The following JMJD1C variants were observed in gnomAD, a reference collection of about 807,000 sequenced individuals.
JMJD1C encodes jumonji domain containing 1C.
Under a neutral mutation model 245.3 loss-of-function variants are expected in JMJD1C, and 31 were observed. The observed-to-expected ratio is 0.13, with a 90% CI of 0.09 to 0.17. JMJD1C has a LOEUF of 0.17. JMJD1C is among the 10% of genes least tolerant of loss of function. The pLI is 1.00. For synonymous variants in JMJD1C, 1,057 were observed against 1,017.4 expected, an observed-to-expected ratio of 1.04 and a Z score of -0.74; for missense variants, 2,691 against 3,000.2, an observed-to-expected ratio of 0.90 and a Z score of 2.41.
At chr10:63,465,144 C>T in intron 1 of JMJD1C, 1 of 320,812 alleles carries the variant, frequency 3.1e-6, no homozygotes. Flanking sequence ...CCCCCTACCC[C>T]CACCTGCCCG....
chr10:63,468,991 G>T (rs77286795), upstream of JMJD1C, among the ~76,000 whole-genome samples: 5,552 of 151,902 alleles, frequency 0.037, 321 homozygotes, highest in East Asian at 0.29. Context: ...AAACTATTTT[G>T]TTTTTTTAAA....
intron 1 of JMJD1C, among the ~76,000 whole-genome samples, chr10:63,417,402 A>G (rs913749333): frequency 5.3e-5 from 8 of 152,176 alleles, no homozygotes; most frequent in African/African-American, 1.7e-4. Context: ...AACTTTTAGT[A>G]TGTATATTAT....
chr10:63,222,732 T>C (rs974280685), intron 3 of JMJD1C: 2 of 1,535,356 alleles, frequency 1.3e-6, no homozygotes, highest in African/African-American at 1.4e-5. Flanking sequence ...GATCTTTATA[T>C]AGGATTTAAT....
chr10:63,208,978 T>A, intron 9 of JMJD1C, 85 bp downstream of exon 9: 2 of 1,222,432 alleles, frequency 1.6e-6, no homozygotes, highest in Non-Finnish European at 2.3e-6. Context: ...AAGATATGTG[T>A]TAACTTAAAA....
At chr10:63,330,155 A>G (rs1190481848) in intron 2 of JMJD1C, among the ~76,000 whole-genome samples, 2 of 150,504 alleles carry the variant, frequency 1.3e-5, no homozygotes, top group African/African-American at 4.9e-5. Context: ...ACCTGCCCTG[A>G]CCTCCCAAAG....
intron 1 of JMJD1C, among the ~76,000 whole-genome samples, chr10:63,419,155 G>A (rs1022415800): frequency 2.0e-5 from 3 of 151,478 alleles, no homozygotes; most frequent in Non-Finnish European, 2.9e-5. Flanking sequence ...GGAGGCCGAG[G>A]AGGGTCAATC....
intron 4 of JMJD1C, among the ~76,000 whole-genome samples, chr10:63,218,187 A>G (rs531099059): frequency 9.4e-4 from 143 of 152,230 alleles, no homozygotes; most frequent in Admixed American, 2.8e-3. Context: ...TACAAAAATC[A>G]AGAAAGTGAG....
chr10:63,207,205 T>G lies in JMJD1C; in HGVS notation c.4464A>C (p.Ala1488=), dbSNP rs377385483. Residue 1488 remains alanine (A), a synonymous_variant, in exon 10 of 26, where the codon GCA becomes GCC. Transcript: ENST00000399262. Reference sequence around the variant, plus strand: ...TACTTTTATACTGAGCTGCAGCCAATGCTGCCTTGTGCTTTTTTAAATGGA... The same window carrying G: ...TACTTTTATACTGAGCTGCAGCCAAGGCTGCCTTGTGCTTTTTTAAATGGA... ...DFIHLKKHKA[A]LAAAQYKSSN... is the part of the protein sequence containing the mutation. 3.7e-6 allele frequency: 6 copies of G among 1,614,110 alleles called. No individual in the cohort carries two copies. The Admixed American group carries it at 8.3e-5, about 22-fold the overall frequency.
At chr10:63,365,052 A>G (rs1248583910) in intron 2 of JMJD1C, among the ~76,000 whole-genome samples, 1 of 152,160 alleles carries the variant, frequency 6.6e-6, no homozygotes, top group African/African-American at 2.4e-5. Flanking sequence ...CAATTATTCT[A>G]CCTATGCCAG....
At chr10:63,469,741 C>A (rs1237342534), upstream of JMJD1C, among the ~76,000 whole-genome samples, 1 of 151,920 alleles carries the variant, frequency 6.6e-6, no homozygotes. Flanking sequence ...TATTAATTGT[C>A]AAATGTAAAT....
intron 1 of JMJD1C, among the ~76,000 whole-genome samples, chr10:63,389,805 A>G (rs1282875404): frequency 6.6e-6 from 1 of 152,206 alleles, no homozygotes; most frequent in Non-Finnish European, 1.5e-5. Context: ...CTAGGTCAAG[A>G]AAGAAACTAA....
chr10:63,340,256 C>T (rs75446656), intron 2 of JMJD1C, among the ~76,000 whole-genome samples: 1 of 152,124 alleles, frequency 6.6e-6, no homozygotes, highest in Non-Finnish European at 1.5e-5. Flanking sequence ...ACCCTCTCAG[C>T]CCCCTTTAGC....
chr10:63,356,810 AAGAG>A (rs1268773401), intron 2 of JMJD1C, among the ~76,000 whole-genome samples: 1 of 152,182 alleles, frequency 6.6e-6, no homozygotes, highest in Non-Finnish European at 1.5e-5. Context: ...CAGGAAGAGA[AAGAG>A]AGAACATTTT....
At chr10:63,204,591 A>G (rs1846384910) in intron 10 of JMJD1C, 1 of 985,298 alleles carries the variant, frequency 1.0e-6, no homozygotes, top group African/African-American at 1.7e-5. Context: ...GCTCACACTA[A>G]GCCTATTATG....
intron 1 of JMJD1C, among the ~76,000 whole-genome samples, chr10:63,458,013 G>A (rs1952525791): frequency 6.6e-6 from 1 of 152,120 alleles, no homozygotes. Flanking sequence ...ATGGGTTTAA[G>A]ATAATAATTT....
intron 2 of JMJD1C, among the ~76,000 whole-genome samples, chr10:63,333,474 C>T (rs571177662): frequency 1.3e-5 from 2 of 151,872 alleles, no homozygotes; most frequent in East Asian, 1.9e-4. Context: ...GCTTGGCCTA[C>T]GAGGTTGAGG....
At chr10:63,296,889 ATC>A (rs1859494569) in intron 2 of JMJD1C, among the ~76,000 whole-genome samples, 1 of 152,082 alleles carries the variant, frequency 6.6e-6, no homozygotes, top group Admixed American at 6.6e-5. Flanking sequence ...TAAAGCAAAA[ATC>A]TCTATTTTAC....
chr10:63,223,144 A>C (rs1456692667), intron 3 of JMJD1C: 2 of 602,908 alleles, frequency 3.3e-6, no homozygotes, highest in Non-Finnish European at 5.7e-6. Context: ...AAAAAAAAAA[A>C]CCCAAACAAA....
chr10:63,241,689 G>A lies in JMJD1C; in HGVS notation c.448-21706C>T, dbSNP rs532463553. Among the ~76,000 whole-genome samples, 9 of 152,166 alleles carry A rather than the reference G, an allele frequency of 5.9e-5. No homozygotes were observed. In the East Asian group the frequency reaches 1.7e-3, roughly 29 times the overall value. On this transcript the variant is annotated intron_variant, in intron 3 of 25. Transcript: ENST00000399262. ...TTTTCTGTTACAACTGACACTTCCT[G>A]TCACTTTCCAGGCTTTACTTTTCTC...
Sources: allele counts gnomAD v4.1 joint callset (sites outside exome capture counted in the v4.1 genomes callset), GRCh38; gene constraint gnomAD v4.1.1; transcripts MANE v1.5; gene names NCBI Gene and HGNC (gene_info 2026-07-23, HGNC 2026-07-21).